Variants in FBXL7 observed in about 807,000 individuals in gnomAD.
FBXL7 encodes the protein F-box/LRR-repeat protein 7.
In FBXL7, 12 loss-of-function variants were observed where a neutral mutation model predicts 38.3. That is an observed-to-expected ratio of 0.31 (90% CI 0.20 to 0.51). The LOEUF is 0.51. Ranked by LOEUF, FBXL7 falls within the 20% of genes least tolerant of loss-of-function variation. The probability of loss-of-function intolerance (pLI) is 0.98; values close to 1 mark genes in which losing one functional copy is unlikely to be tolerated. For synonymous variants in FBXL7, 297 were observed against 300.9 expected, an observed-to-expected ratio of 0.99 and a Z score of 0.13; for missense variants, 567 against 676.4, an observed-to-expected ratio of 0.84 and a Z score of 1.79.
intron 2 of FBXL7, among the ~76,000 whole-genome samples, chr5:15,897,617 G>T (rs374650450): frequency 4.6e-5 from 7 of 152,322 alleles, no homozygotes; most frequent in African/African-American, 1.7e-4. Context: ...AGAAGGAAGA[G>T]GGGACAACAT....
intron 1 of FBXL7, among the ~76,000 whole-genome samples, chr5:15,534,876 G>A (rs1469937696): frequency 6.6e-6 from 1 of 152,178 alleles, no homozygotes; most frequent in East Asian, 1.9e-4. Context: ...TTGTGGTATG[G>A]TTTGGCTCTG....
chr5:15,742,848 C>T (rs1205593099), intron 2 of FBXL7, among the ~76,000 whole-genome samples: 1 of 152,136 alleles, frequency 6.6e-6, no homozygotes, highest in East Asian at 1.9e-4. Context: ...AGGATACTTA[C>T]AATCATGGCA....
chr5:15,600,550 T>G (rs1171856585), intron 1 of FBXL7, among the ~76,000 whole-genome samples: 1 of 152,210 alleles, frequency 6.6e-6, no homozygotes, highest in African/African-American at 2.4e-5. Flanking sequence ...GTTTGAACCT[T>G]CTCATTTCTT....
chr5:15,920,904 A>G (rs976670344), intron 2 of FBXL7, among the ~76,000 whole-genome samples: 1 of 152,154 alleles, frequency 6.6e-6, no homozygotes, highest in Non-Finnish European at 1.5e-5. Flanking sequence ...TACACTAGAT[A>G]TCATTAGGAG....
intron 2 of FBXL7, among the ~76,000 whole-genome samples, chr5:15,831,959 C>T (rs1159879371): frequency 6.6e-6 from 1 of 152,090 alleles, no homozygotes; most frequent in East Asian, 1.9e-4. Flanking sequence ...GGAAGTCCTT[C>T]CCATCGCTGG....
intron 2 of FBXL7, among the ~76,000 whole-genome samples, chr5:15,916,382 G>A (rs1741584513): frequency 6.6e-6 from 1 of 152,282 alleles, no homozygotes; most frequent in Non-Finnish European, 1.5e-5. Context: ...GGGGAGCATG[G>A]TCTAGATTGA....
chr5:15,902,339 A>T (rs1741251833), intron 2 of FBXL7, among the ~76,000 whole-genome samples: 1 of 152,224 alleles, frequency 6.6e-6, no homozygotes, highest in Non-Finnish European at 1.5e-5. Context: ...CAAACGTTGC[A>T]TCCGTGTCCA....
At chr5:15,756,481 C>T (rs951831563) in intron 2 of FBXL7, among the ~76,000 whole-genome samples, 2 of 152,076 alleles carry the variant, frequency 1.3e-5, no homozygotes, top group Non-Finnish European at 2.9e-5. Context: ...AATCTATTGC[C>T]GCCATTTGGA....
intron 1 of FBXL7, among the ~76,000 whole-genome samples, chr5:15,603,099 C>G (rs1739855950): frequency 6.6e-6 from 1 of 152,182 alleles, no homozygotes; most frequent in Non-Finnish European, 1.5e-5. Flanking sequence ...CTCAGCCTCC[C>G]AAAGTGTTGA....
At chr5:15,847,971 A>G (rs1280759695) in intron 2 of FBXL7, among the ~76,000 whole-genome samples, 2 of 152,234 alleles carry the variant, frequency 1.3e-5, no homozygotes, top group Non-Finnish European at 2.9e-5. Flanking sequence ...AGAGGAACAC[A>G]GCCCAGCTAA....
intron 2 of FBXL7, among the ~76,000 whole-genome samples, chr5:15,879,414 C>T (rs1241027059): frequency 6.6e-6 from 1 of 152,304 alleles, no homozygotes; most frequent in Admixed American, 6.5e-5. Context: ...TACTTAGCCT[C>T]TCTGGAGGTT....
At chr5:15,614,948 G>A (rs1321957631) in intron 1 of FBXL7, among the ~76,000 whole-genome samples, 1 of 152,098 alleles carries the variant, frequency 6.6e-6, no homozygotes. Context: ...TAACTTCTTA[G>A]GGACTTTACA....
chr5:15,802,959 C>T (rs781260304), intron 2 of FBXL7, among the ~76,000 whole-genome samples: 38 of 152,158 alleles, frequency 2.5e-4, no homozygotes, highest in Non-Finnish European at 4.3e-4. Context: ...GGCCCCACCA[C>T]GTCATTCTTC....
At chr5:15,534,480 T>G (rs1388704433) in intron 1 of FBXL7, among the ~76,000 whole-genome samples, 1 of 152,242 alleles carries the variant, frequency 6.6e-6, no homozygotes, top group Admixed American at 6.5e-5. Context: ...CTTCATGTTT[T>G]TTCATGATTT....
At chr5:15,891,560 G>A (rs1006127372) in intron 2 of FBXL7, among the ~76,000 whole-genome samples, 7 of 152,206 alleles carry the variant, frequency 4.6e-5, no homozygotes, top group Non-Finnish European at 1.0e-4. Flanking sequence ...CAGTCTAGTA[G>A]AGGGAGACAC....
rs964274277 is a variant in FBXL7 at position 15,928,967 on chromosome 5, G to A, written c.739+466G>A. Among the ~76,000 whole-genome samples the A allele has an allele frequency of 2.0e-5, 3 of 152,184 alleles. No homozygotes were observed. The highest frequency in any genetic ancestry group is 2.9e-5 in the Non-Finnish European group (2 of 68,044). ...AGTTACTTCAGAGCAACCATAGATA[G>A]TGCAAACAGGGTATCTAAGTGTAGA... On this transcript the variant is annotated intron_variant, in intron 3 of 3. Coordinates refer to ENST00000504595, the MANE Select transcript of FBXL7 (RefSeq NM_012304.5). The surrounding 1 kb of genome is among the most constrained non-coding windows in gnomAD (Gnocchi z 4.0).
intron 2 of FBXL7, among the ~76,000 whole-genome samples, chr5:15,770,504 G>A (rs1480839990): frequency 6.6e-6 from 1 of 152,182 alleles, no homozygotes; most frequent in Admixed American, 6.5e-5. Flanking sequence ...CCGTGAGGCA[G>A]AGCCCAAGAA....
intron 2 of FBXL7, among the ~76,000 whole-genome samples, chr5:15,821,890 C>T (rs746171049): frequency 5.9e-5 from 9 of 152,112 alleles, no homozygotes; most frequent in Non-Finnish European, 1.3e-4. Flanking sequence ...TAGCTAATCT[C>T]TAATTTCTCA....
intron 2 of FBXL7, among the ~76,000 whole-genome samples, chr5:15,831,413 C>T (rs551184166): frequency 1.3e-5 from 2 of 152,262 alleles, no homozygotes; most frequent in South Asian, 2.1e-4. Context: ...ACCGCATAGC[C>T]GAGGACCTGG....
Sources: gnomAD v4.1 joint callset for allele counts (sites outside exome capture counted in the v4.1 genomes callset) on GRCh38, gnomAD v4.1.1 for gene constraint, Gnocchi (gnomAD v3.1) non-coding constraint, MANE v1.5 for transcripts, NCBI Gene and HGNC (gene_info 2026-07-23, HGNC 2026-07-21) for gene names.